PTPRD: variants seen among roughly 807,000 people sequenced by gnomAD.
PTPRD encodes protein tyrosine phosphatase receptor type D.
Under a neutral mutation model 214.5 loss-of-function variants are expected in PTPRD, and 34 were observed. The ratio of observed to expected loss-of-function variants is 0.16; its 90% confidence interval spans 0.12 to 0.21. The LOEUF is 0.21. PTPRD is among the 10% of genes least tolerant of loss of function. The probability of loss-of-function intolerance (pLI) is 1.00; values close to 1 mark genes in which losing one functional copy is unlikely to be tolerated. For missense variants in PTPRD, 2,545 were observed against 2,398.7 expected, an observed-to-expected ratio of 1.06 and a Z score of -1.27; for synonymous variants, 1,128 against 845.7, an observed-to-expected ratio of 1.33 and a Z score of -5.79.
At chr9:8,733,085 G>C (rs1320024676) in intron 12 of PTPRD, among the ~76,000 whole-genome samples, 1 of 152,150 alleles carries the variant, frequency 6.6e-6, no homozygotes, top group African/African-American at 2.4e-5. Context: ...GGTAAACAAG[G>C]TAGACCTAAT....
intron 9 of PTPRD, among the ~76,000 whole-genome samples, chr9:9,294,627 C>T (rs1024584165): frequency 1.3e-5 from 2 of 151,580 alleles, no homozygotes; most frequent in Non-Finnish European, 3.0e-5. Flanking sequence ...AAGAAGAGGT[C>T]AACGTTAACT....
At chr9:8,402,759 CAT>C (rs1393482995) in intron 36 of PTPRD, among the ~76,000 whole-genome samples, 4 of 151,772 alleles carry the variant, frequency 2.6e-5, no homozygotes, top group Non-Finnish European at 5.9e-5. Flanking sequence ...TAATCATCCA[CAT>C]ATGTTAATTA....
At chr9:8,771,345 C>G (rs2095197759) in intron 11 of PTPRD, among the ~76,000 whole-genome samples, 1 of 152,166 alleles carries the variant, frequency 6.6e-6, no homozygotes. Flanking sequence ...ACACAAAATA[C>G]TAAAGACTAT....
intron 11 of PTPRD, chr9:8,861,694 G>A (rs191453459): frequency 6.6e-6 from 1 of 152,304 alleles, no homozygotes; most frequent in East Asian, 1.9e-4. Flanking sequence ...ATAAATTATT[G>A]ACCAAGGTAT....
chr9:9,810,653 C>T (rs961550360), intron 5 of PTPRD, among the ~76,000 whole-genome samples: 2 of 151,244 alleles, frequency 1.3e-5, no homozygotes, highest in African/African-American at 4.9e-5. Context: ...TGCTCATTGA[C>T]AATGCACATA....
intron 3 of PTPRD, among the ~76,000 whole-genome samples, chr9:10,203,668 G>C (rs2099446112): frequency 6.6e-6 from 1 of 151,916 alleles, no homozygotes; most frequent in Non-Finnish European, 1.5e-5. Context: ...TCCTTAATTG[G>C]GACAATTCTG....
intron 11 of PTPRD, among the ~76,000 whole-genome samples, chr9:8,978,721 G>A (rs561664237): frequency 1.3e-5 from 2 of 152,232 alleles, no homozygotes; most frequent in South Asian, 4.1e-4. Flanking sequence ...TACTGCTTTG[G>A]AGGGAGAGAC....
chr9:9,654,072 C>T (rs2096448221), intron 7 of PTPRD, among the ~76,000 whole-genome samples: 1 of 152,070 alleles, frequency 6.6e-6, no homozygotes, highest in Admixed American at 6.6e-5. Context: ...AAGACTTCAG[C>T]TGAAAATAAT....
intron 5 of PTPRD, among the ~76,000 whole-genome samples, chr9:9,923,611 A>G (rs1000543572): frequency 1.3e-4 from 19 of 151,996 alleles, no homozygotes; most frequent in African/African-American, 4.3e-4. Flanking sequence ...AAAACAAGTC[A>G]TCTACAAACA....
intron 10 of PTPRD, among the ~76,000 whole-genome samples, chr9:9,063,643 A>C (rs1014717520): frequency 6.6e-6 from 1 of 152,206 alleles, no homozygotes; most frequent in Non-Finnish European, 1.5e-5. Context: ...GCAGGGCTCA[A>C]AAACATACAG....
At chr9:9,112,016 C>T (rs1031472948) in intron 10 of PTPRD, among the ~76,000 whole-genome samples, 1 of 152,102 alleles carries the variant, frequency 6.6e-6, no homozygotes, top group Non-Finnish European at 1.5e-5. Flanking sequence ...CAATTTGTGG[C>T]TAGAGCCATT....
At chr9:10,320,864 A>T (rs559856636) in intron 3 of PTPRD, among the ~76,000 whole-genome samples, 49 of 152,076 alleles carry the variant, frequency 3.2e-4, no homozygotes, top group African/African-American at 1.2e-3. Context: ...AGTAGCTGGG[A>T]TTACAAATGT....
chr9:8,478,499 T>G (rs183835049), intron 30 of PTPRD, among the ~76,000 whole-genome samples: 1 of 151,308 alleles, frequency 6.6e-6, no homozygotes, highest in African/African-American at 2.5e-5. Flanking sequence ...TACCTTCTGG[T>G]AGTTTTTTCT....
intron 34 of PTPRD, among the ~76,000 whole-genome samples, chr9:8,440,600 G>A (rs925226812): frequency 8.5e-5 from 13 of 152,152 alleles, no homozygotes; most frequent in East Asian, 1.9e-4. Context: ...GGCGTGGGCC[G>A]CTGCGCCCGA....
At chr9:8,789,579 G>A (rs1005862240) in intron 11 of PTPRD, among the ~76,000 whole-genome samples, 29 of 152,146 alleles carry the variant, frequency 1.9e-4, no homozygotes, top group Middle Eastern at 3.4e-3. Flanking sequence ...TTTAAATTCC[G>A]TTATTGGCAA....
intron 6 of PTPRD, among the ~76,000 whole-genome samples, chr9:9,751,680 CAG>C: frequency 1.3e-5 from 2 of 152,122 alleles, no homozygotes; most frequent in Middle Eastern, 3.4e-3. Flanking sequence ...AAGATGAAGA[CAG>C]AGATTGGAAT....
chr9:9,533,976 A>T (rs947451084), intron 8 of PTPRD, among the ~76,000 whole-genome samples: 8 of 152,006 alleles, frequency 5.3e-5, no homozygotes, highest in South Asian at 2.1e-4. Context: ...AAGCTCATTT[A>T]AAAAATATGT....
intron 11 of PTPRD, among the ~76,000 whole-genome samples, chr9:8,870,026 G>C (rs1302264656): frequency 2.0e-5 from 3 of 151,878 alleles, no homozygotes; most frequent in Non-Finnish European, 4.4e-5. Flanking sequence ...CATTTCAGGG[G>C]CTTTAGCATT....
chr9:10,396,994 C>T (rs889563835), intron 2 of PTPRD, among the ~76,000 whole-genome samples: 3 of 151,938 alleles, frequency 2.0e-5, no homozygotes, highest in Non-Finnish European at 4.4e-5. Flanking sequence ...AGCTACACGT[C>T]TGGGGAAACT....
Sources: allele counts gnomAD v4.1 joint callset (sites outside exome capture counted in the v4.1 genomes callset), GRCh38; gene constraint gnomAD v4.1.1; transcripts MANE v1.5; gene names NCBI Gene and HGNC (gene_info 2026-07-23, HGNC 2026-07-21).